Variants in CHST15 observed in about 807,000 individuals in gnomAD.
The protein encoded by CHST15 is carbohydrate sulfotransferase 15, also known as B cell RAG associated protein (GALNAC4S-6ST).
In CHST15, 30 loss-of-function variants were observed where a neutral mutation model predicts 53.6. The observed-to-expected ratio is 0.56, with a 90% CI of 0.42 to 0.76. The LOEUF (loss-of-function observed/expected upper bound fraction) is 0.76, where lower values mean the gene tolerates loss of function less well. Among genes scored for constraint, CHST15 ranks in the 30% least tolerant of loss-of-function variants. The probability of loss-of-function intolerance (pLI) is 0.00; values close to 1 mark genes in which losing one functional copy is unlikely to be tolerated. For missense variants in CHST15, 627 were observed against 740.5 expected (o/e 0.85, Z 1.78); for synonymous variants, 296 against 289.8 (o/e 1.02, Z -0.22).
At chr10:124,016,793 G>C (rs781582611) in intron 6 of CHST15, among the ~76,000 whole-genome samples, 3 of 152,200 alleles carry the variant, frequency 2.0e-5, no homozygotes, top group Admixed American at 6.5e-5. Flanking sequence ...GCTTGGGACA[G>C]GGGCTGGCAG....
Position 124,008,383 on chromosome 10 carries a change from A to G in CHST15, c.*1766T>C, listed in dbSNP as rs139175468. On this transcript the variant is annotated 3_prime_UTR_variant, in exon 8 of 8. Transcript: ENST00000435907. ...CGCGCGCACTGTACTGCAAATAAATATACACACACACTGAAGTGATCTCTC... is the reference window on the plus strand; with the variant it reads ...CGCGCGCACTGTACTGCAAATAAATGTACACACACACTGAAGTGATCTCTC... 9.9e-7 allele frequency: 1 copy of G among 1,007,736 alleles called. No homozygotes were observed. The highest frequency in any genetic ancestry group is 1.7e-5 in the African/African-American group (1 of 58,122). The allele number at this position is 1,007,736 out of a possible 1,614,324, so 62.4% of individuals were successfully genotyped here.
intron 5 of CHST15, among the ~76,000 whole-genome samples, chr10:124,030,137 C>G (rs1253533512): frequency 1.3e-5 from 2 of 152,182 alleles, no homozygotes; most frequent in Non-Finnish European, 2.9e-5. Context: ...AGATGTGGCG[C>G]CTCACCAGGC....
At chr10:124,021,447 A>G (rs747850396) in intron 5 of CHST15, 35 bp from the exon 6 acceptor site, 14 of 1,580,412 alleles carry the variant, frequency 8.9e-6, no homozygotes, top group African/African-American at 2.7e-5. Flanking sequence ...TTTACCACCC[A>G]TGAACATGCA....
intron 1 of CHST15, among the ~76,000 whole-genome samples, chr10:124,081,322 T>C (rs1233531916): frequency 2.0e-5 from 3 of 152,100 alleles, no homozygotes; most frequent in African/African-American, 4.8e-5. Context: ...CTAAAGAGCT[T>C]AACGAATCCA....
At position 124,024,682 on chromosome 10, in the gene CHST15, A is replaced by T. The variant is rs1222943830; in HGVS notation, c.1191-3270T>A. Among the ~76,000 whole-genome samples the T allele has an allele frequency of 6.6e-6, 1 of 152,208 alleles. No homozygotes were observed. Among genetic ancestry groups the T allele is most frequent in the Non-Finnish European group, 1.5e-5 (1 of 68,038 alleles). On this transcript the variant is annotated intron_variant, in intron 5 of 7. Transcript: ENST00000435907. The surrounding 1 kb of genome is among the most constrained non-coding windows in gnomAD (Gnocchi z 4.0). ...TTAGAAGACACATCAAAACTGAAAC[A>T]CGGCATCTGTCGCCATAGGGTCGCT...
At chr10:124,088,761 G>A (rs576334971) in intron 1 of CHST15, among the ~76,000 whole-genome samples, 10 of 152,300 alleles carry the variant, frequency 6.6e-5, no homozygotes, top group African/African-American at 2.4e-4. Flanking sequence ...TAGGTCTTGC[G>A]ATGAACTGTC....
chr10:124,009,940 C>T lies in CHST15; in HGVS notation c.*209G>A, dbSNP rs1485642984. 2.8e-6 allele frequency: 4 copies of T among 1,404,986 alleles called. No individual in the cohort carries two copies. In the African/African-American group the frequency reaches 4.4e-5, roughly 15 times the overall value. 87.0% of individuals were successfully genotyped at this position (1,404,986 alleles called of 1,614,324 possible). A position where few individuals can be genotyped will look rare whatever the true frequency, so the allele number is the denominator to read the frequency against. ...GAGAAACTGGGGTCTCCAATGGCCTCGGATAGAGGAGCTCTGTGAGGGGTC... is the reference window on the plus strand; with the variant it reads ...GAGAAACTGGGGTCTCCAATGGCCTTGGATAGAGGAGCTCTGTGAGGGGTC... On this transcript the variant is annotated 3_prime_UTR_variant, in exon 8 of 8. Transcript: ENST00000435907.
rs1011397934 is a variant in CHST15 at position 124,043,459 on chromosome 10, G to A, written c.887-1012C>T. ...AAGGATGAAAGCAAACGTTTGTCAG[G>A]AAACACATTAAGAGTTGGTCTAGGG... On this transcript the variant is annotated intron_variant, in intron 3 of 7. Coordinates refer to ENST00000435907, the MANE Select transcript of CHST15 (RefSeq NM_001270764.2). Among the ~76,000 whole-genome samples, 5 of 152,346 alleles carry A rather than the reference G, an allele frequency of 3.3e-5. No individual in the cohort carries two copies. In the East Asian group the frequency reaches 9.6e-4, roughly 29 times the overall value.
intron 1 of CHST15, among the ~76,000 whole-genome samples, chr10:124,088,641 G>T (rs1949512942): frequency 6.6e-6 from 1 of 152,146 alleles, no homozygotes. Flanking sequence ...AGAGCTTGGT[G>T]TGTGTCATCT....
chr10:124,050,479 G>A (rs1034165888), intron 1 of CHST15, among the ~76,000 whole-genome samples: 4 of 152,188 alleles, frequency 2.6e-5, no homozygotes, highest in Non-Finnish European at 5.9e-5. Flanking sequence ...TTTGTTGTCA[G>A]GGCTGTCCCG....
intron 7 of CHST15, chr10:124,011,796 G>T (rs1376751098): frequency 2.0e-5 from 20 of 985,304 alleles, no homozygotes; most frequent in Non-Finnish European, 2.4e-5. Context: ...TCAGCCACAC[G>T]GCTCTGACTC....
intron 5 of CHST15, among the ~76,000 whole-genome samples, chr10:124,034,407 T>C (rs1479452023): frequency 6.6e-6 from 1 of 152,058 alleles, no homozygotes; most frequent in African/African-American, 2.4e-5. Context: ...GCTGAGCCGC[T>C]TGCACCTGCA....
Position 124,074,541 on chromosome 10 carries a change from C to T in CHST15, c.-513+18928G>A, listed in dbSNP as rs1161713795. On this transcript the variant is annotated intron_variant, in intron 1 of 7. Transcript: ENST00000435907. The surrounding 1 kb of genome is among the most constrained non-coding windows in gnomAD (Gnocchi z 4.4). ...GTCCAGGCACCTCACTGGGGACTTACATAACATCCCCCTGCACACCCAACA... is the reference window on the plus strand; with the variant it reads ...GTCCAGGCACCTCACTGGGGACTTATATAACATCCCCCTGCACACCCAACA... 6.6e-6 allele frequency among the ~76,000 whole-genome samples: 1 copy of T among 152,122 alleles called. No homozygotes were observed. The highest frequency in any genetic ancestry group is 1.5e-5 in the Non-Finnish European group (1 of 68,020).
chr10:124,064,204 C>G lies in CHST15; in HGVS notation c.-512-17480G>C, dbSNP rs144862843. 6.4e-3 allele frequency among the ~76,000 whole-genome samples: 976 copies of G among 152,132 alleles called. 8 individuals are homozygous for G. The highest frequency in any genetic ancestry group is 0.023 in the African/African-American group (942 of 41,506). ...AATCTCAAAAAAAAAAATAGACTTA[C>G]GAAAAGTCATTGTAGCTGACTGGTT... On this transcript the variant is annotated intron_variant, in intron 1 of 7. Transcript: ENST00000435907.
At chr10:124,076,100 G>A (rs533159982) in intron 1 of CHST15, among the ~76,000 whole-genome samples, 1 of 152,312 alleles carries the variant, frequency 6.6e-6, no homozygotes, top group African/African-American at 2.4e-5. Flanking sequence ...CCTCTCTTGG[G>A]ACTGAGCCAC....
chr10:124,063,694 C>T (rs1324824676), intron 1 of CHST15, among the ~76,000 whole-genome samples: 1 of 151,950 alleles, frequency 6.6e-6, no homozygotes, highest in Admixed American at 6.6e-5. Flanking sequence ...GAAAAGTGAA[C>T]ATTCAATAAA....
chr10:124,023,353 G>A (rs922447874), intron 5 of CHST15, among the ~76,000 whole-genome samples: 2 of 151,954 alleles, frequency 1.3e-5, no homozygotes, highest in Non-Finnish European at 2.9e-5. Context: ...AGGCGTGGTG[G>A]TGCGTGCCTG....
intron 1 of CHST15, among the ~76,000 whole-genome samples, chr10:124,061,051 G>A (rs1022294298): frequency 3.7e-4 from 57 of 152,164 alleles, no homozygotes; most frequent in African/African-American, 1.1e-3. Flanking sequence ...ATAAGAAAAC[G>A]GTGGCTCTGG....
In CHST15 at chr10:124,046,310, G is replaced by T; in HGVS notation, c.-98C>A. On this transcript the variant is annotated 5_prime_UTR_variant, in exon 2 of 8. Transcript: ENST00000435907. ...AGTCGTGCTAGAAAACCTTAAGAATGCCTTGTGATCACAGAAGATGGATGG... is the reference window on the plus strand; with the variant it reads ...AGTCGTGCTAGAAAACCTTAAGAATTCCTTGTGATCACAGAAGATGGATGG... 2 of 1,154,918 alleles carry T rather than the reference G, an allele frequency of 1.7e-6. No individual in the cohort carries two copies. The highest frequency in any genetic ancestry group is 2.4e-6 in the Non-Finnish European group (2 of 824,780). 71.5% of individuals were successfully genotyped at this position (1,154,918 alleles called of 1,614,324 possible). A position where few individuals can be genotyped will look rare whatever the true frequency, so the allele number is the denominator to read the frequency against.
Sources: allele counts gnomAD v4.1 joint callset (sites outside exome capture counted in the v4.1 genomes callset), GRCh38; gene constraint gnomAD v4.1.1; non-coding constraint Gnocchi (gnomAD v3.1); transcripts MANE v1.5; gene names NCBI Gene and HGNC (gene_info 2026-07-23, HGNC 2026-07-21).